AEN: variants seen among roughly 807,000 people sequenced by gnomAD.
AEN encodes the protein apoptosis enhancing nuclease, also known as apoptosis-enhancing nuclease.
Under a neutral mutation model 17.7 loss-of-function variants are expected in AEN, and 21 were observed. The observed-to-expected ratio is 1.19, with a 90% confidence interval of 0.84 to 1.71. The LOEUF (loss-of-function observed/expected upper bound fraction) is 1.71, where lower values mean the gene tolerates loss of function less well. AEN is among the 40% of genes most tolerant of loss of function. AEN has a pLI of 0.00. For synonymous variants in AEN, 190 were observed against 173.0 expected (o/e 1.10, Z -0.77); for missense variants, 462 against 435.9 (o/e 1.06, Z -0.53).
rs1297660198 is a variant in AEN, at chr15:88,629,360, C to A, written c.675C>A (p.Gly225=). Residue 225 remains glycine (G), a synonymous_variant, in exon 3 of 4, where the codon GGC becomes GGA. Transcript: ENST00000332810. ...TCCCAAACTTCCTCAGCGAGCCCGG[C>A]CTCCACACCCGGGCCCGGGTCTCTC... ...TYVPNFLSEP[G]LHTRARVSLK... is the part of the protein sequence containing the mutation. 1 of 1,614,144 alleles carries A rather than the reference C, an allele frequency of 6.2e-7. No homozygotes were observed. The highest frequency in any genetic ancestry group is 8.5e-7 in the Non-Finnish European group (1 of 1,180,012).
At chr15:88,620,366 ATTGTTC>A (rs1474914433), upstream of AEN, among the ~76,000 whole-genome samples, 1 of 151,838 alleles carries the variant, frequency 6.6e-6, no homozygotes, top group African/African-American at 2.4e-5. Flanking sequence ...ACTGTTTATT[ATTGTTC>A]TTGTTATTAC....
Position 88,631,161 on chromosome 15 carries a change from TG to T in AEN, c.*871del, listed in dbSNP as rs1447839537. ...AGAAACAAGACAGTGGTTTGAATTC[TG>T]GGGCCTTTGTGTAGGATTGTGCCTG... On this transcript the variant is annotated 3_prime_UTR_variant, in exon 4 of 4. Coordinates refer to ENST00000332810, the MANE Select transcript of AEN (RefSeq NM_022767.4). The T allele has an allele frequency of 8.8e-6, 4 of 456,748 alleles. No individual in the cohort carries two copies. Among genetic ancestry groups the T allele is most frequent in the Admixed American group, 2.3e-5 (1 of 42,590 alleles). 28.3% of individuals were successfully genotyped at this position (456,748 alleles called of 1,614,324 possible).
At chr15:88,611,545 G>C in the AEN span, among the ~76,000 whole-genome samples, 1 of 151,910 alleles carries the variant, frequency 6.6e-6, no homozygotes, top group Admixed American at 6.6e-5. Flanking sequence ...GGAGTGAGCT[G>C]TGATTGCACC....
the AEN span, among the ~76,000 whole-genome samples, chr15:88,608,672 T>C: frequency 6.6e-6 from 1 of 152,264 alleles, no homozygotes; most frequent in East Asian, 1.9e-4. Flanking sequence ...TGGTGTTTGG[T>C]GTCCTCTTCA....
chr15:88,606,016 A>G, the AEN span, among the ~76,000 whole-genome samples: 1 of 152,216 alleles, frequency 6.6e-6, no homozygotes, highest in African/African-American at 2.4e-5. Flanking sequence ...GGATTCTAGG[A>G]GAGCATTCTC....
chr15:88,625,173 T>G (rs2057835660), intron 1 of AEN, among the ~76,000 whole-genome samples: 1 of 152,164 alleles, frequency 6.6e-6, no homozygotes, highest in Non-Finnish European at 1.5e-5. Context: ...TCAGGACTTT[T>G]AAATGTTTCT....
At chr15:88,624,385 C>T (rs959378785) in intron 1 of AEN, among the ~76,000 whole-genome samples, 1 of 152,296 alleles carries the variant, frequency 6.6e-6, no homozygotes, top group Non-Finnish European at 1.5e-5. Flanking sequence ...GGAGGCTGCT[C>T]TGGCCTGAGA....
At chr15:88,620,687 C>T (rs1208359195), upstream of AEN, among the ~76,000 whole-genome samples, 1 of 152,046 alleles carries the variant, frequency 6.6e-6, no homozygotes, top group African/African-American at 2.4e-5. Context: ...GGATTACAGT[C>T]GTGAGCCACC....
rs1281689803 is a variant in AEN, at chr15:88,629,418, A to G, written c.733A>G (p.Lys245Glu). 1 of 1,613,554 alleles carries G rather than the reference A, an allele frequency of 6.2e-7. No homozygotes were observed. The highest frequency in any genetic ancestry group is 2.2e-5 in the East Asian group (1 of 44,860). ...KDLALQLLHK[K>E]IQVGQHGHSS... ...CCTGGCCCTGCAGCTGCTGCACAAG[A>G]AGATCCAGGTGCGTGGTGGGAGAGT... is the stretch of plus-strand genomic sequence containing the variant. The change falls in exon 3 of 4, where the codon AAG becomes GAG. Residue 245 changes from lysine (K) to glutamate (E), a missense_variant. Physicochemically the swap from Lys to Glu is moderately conservative, Grantham distance 56. Coordinates refer to ENST00000332810, the MANE Select transcript of AEN (RefSeq NM_022767.4).
the AEN span, among the ~76,000 whole-genome samples, chr15:88,605,710 C>T: frequency 1.3e-5 from 2 of 152,226 alleles, no homozygotes; most frequent in South Asian, 2.1e-4. This position sits in a 1 kb window ranked among gnomAD's most constrained non-coding sequence, Gnocchi z 7.6. Flanking sequence ...CTCGGCAGAC[C>T]AAGCGCCTCT....
chr15:88,618,687 G>A (rs538123688), upstream of AEN, among the ~76,000 whole-genome samples: 1 of 152,334 alleles, frequency 6.6e-6, no homozygotes, highest in South Asian at 2.1e-4. Flanking sequence ...TTGTAAGCCT[G>A]ATAAACATTG....
At position 88,630,334 on chromosome 15, in the gene AEN, C is replaced by T. The variant is rs773216515; in HGVS notation, c.*40C>T. ...TCCCTGGCTGGGCTTCCGGTGTGGC[C>T]GGTAGGAAGTGGGGGCCAGGAGAGC... On this transcript the variant is annotated 3_prime_UTR_variant, in exon 4 of 4. Transcript: ENST00000332810. This position sits in a 1 kb window ranked among gnomAD's most constrained non-coding sequence, Gnocchi z 5.1. 5.2e-5 allele frequency: 80 copies of T among 1,538,516 alleles called. No homozygotes were observed. The Admixed American group carries it at 5.9e-4, about 11-fold the overall frequency.
At chr15:88,608,950 T>A in the AEN span, among the ~76,000 whole-genome samples, 34 of 152,216 alleles carry the variant, frequency 2.2e-4, no homozygotes, top group Non-Finnish European at 4.9e-4. Context: ...ATAGTCCTAC[T>A]CAGGGATGCT....
At chr15:88,617,699 C>A (rs1209701747), upstream of AEN, among the ~76,000 whole-genome samples, 1 of 152,110 alleles carries the variant, frequency 6.6e-6, no homozygotes, top group Non-Finnish European at 1.5e-5. Context: ...TGGCTCACTG[C>A]AATGACTGAG....
intron 1 of AEN, among the ~76,000 whole-genome samples, chr15:88,625,164 C>T (rs1020225805): frequency 1.3e-5 from 2 of 152,162 alleles, no homozygotes; most frequent in African/African-American, 2.4e-5. Context: ...CACTTCAGAT[C>T]AGGACTTTTA....
the AEN span, among the ~76,000 whole-genome samples, chr15:88,615,024 C>T: frequency 1.3e-5 from 2 of 152,222 alleles, no homozygotes; most frequent in Middle Eastern, 3.4e-3. Flanking sequence ...CCACCACGCC[C>T]GGCCAAATTT....
chr15:88,623,630 G>A (rs937925044), intron 1 of AEN, among the ~76,000 whole-genome samples: 1 of 152,180 alleles, frequency 6.6e-6, no homozygotes, highest in East Asian at 1.9e-4. Flanking sequence ...TGCTATAAGA[G>A]CTCAGCACAG....
At chr15:88,625,599 T>C (rs2057841025) in intron 1 of AEN, among the ~76,000 whole-genome samples, 1 of 152,236 alleles carries the variant, frequency 6.6e-6, no homozygotes, top group African/African-American at 2.4e-5. Context: ...CCTATGAAAT[T>C]CTTTCTCCAG....
At chr15:88,616,792 T>C (rs1419973476), upstream of AEN, among the ~76,000 whole-genome samples, 1 of 152,250 alleles carries the variant, frequency 6.6e-6, no homozygotes, top group African/African-American at 2.4e-5. Flanking sequence ...CGTGAATAAA[T>C]TATGTGACAT....
Sources: gnomAD v4.1 joint callset for allele counts (sites outside exome capture counted in the v4.1 genomes callset) on GRCh38, gnomAD v4.1.1 for gene constraint, Gnocchi (gnomAD v3.1) non-coding constraint, MANE v1.5 for transcripts, NCBI Gene and HGNC (gene_info 2026-07-23, HGNC 2026-07-21) for gene names.